Variants in PRH1 observed in about 807,000 individuals in gnomAD.
The protein encoded by PRH1 is salivary acidic proline-rich phosphoprotein 1/2.
In PRH1, 7 loss-of-function variants were observed where a neutral mutation model predicts 7.9. That is an observed-to-expected ratio of 0.89 (90% confidence interval 0.50 to 1.67). The LOEUF is 1.67. Ranked by LOEUF, PRH1 falls within the 40% of genes most tolerant of loss-of-function variation. PRH1 has a pLI of 0.00. For missense variants in PRH1, 109 were observed against 223.6 expected (o/e 0.49, Z 3.27); for synonymous variants, 45 against 80.8 (o/e 0.56, Z 2.38).
In PRH1 at chr12:11,090,962, T is replaced by TA. The variant is rs1410604894; in HGVS notation, n.124-43775dup. ...GACATTGCAAATTCTACAAATGAAA[T>TA]AAAAAATACATGAATGAAATAAACA... On this transcript the variant is annotated intron_variant and non_coding_transcript_variant, in intron 1 of 4. Coordinates refer to the PRH1 transcript ENST00000541977. 5.8e-5 allele frequency among the ~76,000 whole-genome samples: 5 copies of TA among 86,666 alleles called. 2 individuals are homozygous for TA. Among genetic ancestry groups the TA allele is most frequent in the African/African-American group, 1.0e-4 (3 of 30,122 alleles). The allele number at this position is 86,666 out of a possible 152,430, so 56.9% of individuals were successfully genotyped here.
At chr12:11,003,572 A>T (rs1940691596) in intron 1 of PRH1, among the ~76,000 whole-genome samples, 1 of 151,830 alleles carries the variant, frequency 6.6e-6, no homozygotes, top group Non-Finnish European at 1.5e-5. Flanking sequence ...AATTTATTTC[A>T]AATTATAAGA....
intron 1 of PRH1, among the ~76,000 whole-genome samples, chr12:11,160,398 T>C (rs1032321648): frequency 6.6e-6 from 1 of 152,190 alleles, no homozygotes; most frequent in Admixed American, 6.5e-5. Context: ...ATACAAATGC[T>C]TCAGTGAAGA....
At chr12:11,007,387 C>T (rs1168208049) in intron 1 of PRH1, among the ~76,000 whole-genome samples, 2 of 152,058 alleles carry the variant, frequency 1.3e-5, no homozygotes, top group Non-Finnish European at 2.9e-5. Flanking sequence ...AGAAGGTCAT[C>T]CAGGTGGAAT....
At chr12:11,119,341 A>G (rs1174459757), downstream of PRH1, among the ~76,000 whole-genome samples, 1 of 152,054 alleles carries the variant, frequency 6.6e-6, no homozygotes, top group Non-Finnish European at 1.5e-5. Context: ...GAAAGAGTGA[A>G]TGAGACCTAC....
At chr12:10,989,090 G>A (rs1341785142) in intron 1 of PRH1, among the ~76,000 whole-genome samples, 1 of 152,150 alleles carries the variant, frequency 6.6e-6, no homozygotes, top group African/African-American at 2.4e-5. Flanking sequence ...TTACAGGCGT[G>A]AGCCACCGCG....
Position 10,882,385 on chromosome 12 carries a change from A to T in PRH1, c.414T>A (p.His138Gln), listed in dbSNP as rs1427762501. ...GTGGCCTTCCTCGAGGAGGACGGGG[A>T]TGGCCTCCCTGTTGGGGTGGTCCTT... is the stretch of plus-strand genomic sequence containing the variant. ...RPQGPPQQGG[H>Q]PRPPRGRPQG... Residue 138 changes from histidine to glutamine, a missense_variant, in exon 3 of 4, where the codon CAT (histidine) becomes CAA (glutamine). Around this residue, in one of 3 missense-constraint regions of PRH1, gnomAD observed 45 missense variants for 88.8 expected, o/e 0.51. Transcript: ENST00000543626. 2 of 1,603,430 alleles carry T rather than the reference A, an allele frequency of 1.2e-6. No individual in the cohort carries two copies. The highest frequency in any genetic ancestry group is 2.2e-5 in the South Asian group (2 of 90,480).
At chr12:11,001,375 T>C (rs1940588816) in intron 1 of PRH1, among the ~76,000 whole-genome samples, 1 of 152,166 alleles carries the variant, frequency 6.6e-6, no homozygotes, top group African/African-American at 2.4e-5. Flanking sequence ...TTCTTCACTA[T>C]CAGGTGAGAT....
downstream of PRH1, among the ~76,000 whole-genome samples, chr12:11,115,903 A>G (rs1945717797): frequency 6.6e-6 from 1 of 152,074 alleles, no homozygotes; most frequent in Admixed American, 6.6e-5. Context: ...AAGCAATACT[A>G]AGAAGGAAAT....
At chr12:11,051,238 A>C (rs1201151917), upstream of PRH1, among the ~76,000 whole-genome samples, 2 of 152,224 alleles carry the variant, frequency 1.3e-5, no homozygotes, top group Non-Finnish European at 2.9e-5. Flanking sequence ...TAAAACTAGA[A>C]GAAATATCTA....
intron 2 of PRH1, among the ~76,000 whole-genome samples, chr12:10,920,943 T>G (rs776318910): frequency 2.0e-5 from 3 of 152,090 alleles, no homozygotes; most frequent in Non-Finnish European, 4.4e-5. Flanking sequence ...TAAATTAGAT[T>G]AAACATTTTT....
intron 1 of PRH1, among the ~76,000 whole-genome samples, chr12:11,013,334 C>T (rs1868761): frequency 0.31 from 46,363 of 151,958 alleles, 8,937 homozygotes; most frequent in East Asian, 0.74. Flanking sequence ...AATGGTACCA[C>T]TGCAGTTCAA....
At chr12:11,050,175 G>T (rs553792147), upstream of PRH1, among the ~76,000 whole-genome samples, 30 of 152,186 alleles carry the variant, frequency 2.0e-4, no homozygotes, top group Non-Finnish European at 3.8e-4. Context: ...GAAATCAGGG[G>T]TCTCACAGCC....
chr12:10,996,143 C>A (rs1037007756), intron 1 of PRH1, among the ~76,000 whole-genome samples: 2 of 151,524 alleles, frequency 1.3e-5, no homozygotes, highest in East Asian at 1.9e-4. Flanking sequence ...TGGTGAAACC[C>A]CATCTCTACT....
chr12:11,003,177 C>T lies in PRH1; in HGVS notation c.-125-29456G>A, dbSNP rs183055745. ...TATAAAATTTTATCCCTATTTCTTA[C>T]TACTATAATGCTGTATTCTTTATTC... On this transcript the variant is annotated intron_variant, in intron 1 of 3. Transcript: ENST00000539853. Among the ~76,000 whole-genome samples the T allele has an allele frequency of 2.1e-3, 320 of 151,954 alleles. 5 individuals carry two copies. Among genetic ancestry groups the T allele is most frequent in the Non-Finnish European group, 5.0e-4 (34 of 67,878 alleles).
At chr12:11,055,164 G>C (rs983074318) in intron 1 of PRH1, among the ~76,000 whole-genome samples, 2 of 151,196 alleles carry the variant, frequency 1.3e-5, no homozygotes, top group African/African-American at 2.4e-5. Flanking sequence ...ATGACTTTGA[G>C]AAAATATGAT....
chr12:10,932,059 T>C (rs1180659299), intron 2 of PRH1, among the ~76,000 whole-genome samples: 2 of 152,202 alleles, frequency 1.3e-5, no homozygotes, highest in Non-Finnish European at 2.9e-5. Flanking sequence ...TTACGTGCAA[T>C]GGCATAGAAA....
At chr12:10,942,583 G>T (rs1297746009) in intron 2 of PRH1, among the ~76,000 whole-genome samples, 1 of 152,192 alleles carries the variant, frequency 6.6e-6, no homozygotes, top group Admixed American at 6.5e-5. Flanking sequence ...CACCCTGTCT[G>T]TTTCCAGACA....
At chr12:11,105,412 C>T (rs2597963) in intron 1 of PRH1, among the ~76,000 whole-genome samples, 69,097 of 151,762 alleles carry the variant, frequency 0.46, 16,535 homozygotes, top group Non-Finnish European at 0.53. Flanking sequence ...GCAGGAATGT[C>T]CTTGTTCCTT....
At chr12:11,060,997 T>A (rs1394658674) in intron 1 of PRH1, among the ~76,000 whole-genome samples, 1 of 152,256 alleles carries the variant, frequency 6.6e-6, no homozygotes. Flanking sequence ...CTGATAGTTC[T>A]TAATAATTAT....
Sources: allele counts gnomAD v4.1 joint callset (sites outside exome capture counted in the v4.1 genomes callset), GRCh38; gene constraint gnomAD v4.1.1; regional missense constraint gnomAD v4.1.1; transcripts MANE v1.5; gene names NCBI Gene and HGNC (gene_info 2026-07-23, HGNC 2026-07-21).